The following PELI1 variants were observed in gnomAD, a reference collection of about 807,000 sequenced individuals.
PELI1 encodes pellino E3 ubiquitin protein ligase 1.
Under a neutral mutation model 41.3 loss-of-function variants are expected in PELI1, and 15 were observed. The observed-to-expected ratio is 0.36, with a 90% CI of 0.24 to 0.56. The LOEUF (loss-of-function observed/expected upper bound fraction) is 0.56, where lower values mean the gene tolerates loss of function less well. Among genes scored for constraint, PELI1 ranks in the 20% least tolerant of loss-of-function variants. The pLI, the probability that PELI1 is intolerant of heterozygous loss-of-function variation, is 0.82. For missense variants in PELI1, 403 were observed against 525.5 expected, an observed-to-expected ratio of 0.77 and a Z score of 2.28; for synonymous variants, 178 against 180.1, an observed-to-expected ratio of 0.99 and a Z score of 0.09.
rs537000200 is a variant in PELI1 at position 64,104,681 on chromosome 2, C to CTT, written c.201+18_201+19dup. 6.7e-3 allele frequency: 9,702 copies of CTT among 1,457,180 alleles called. 30 individuals are homozygous for CTT. The highest frequency in any genetic ancestry group is 0.039 in the African/African-American group (2,537 of 65,558). 90.3% of individuals were successfully genotyped at this position (1,457,180 alleles called of 1,614,324 possible). On this transcript the variant is annotated intron_variant, in intron 3 of 6. Coordinates refer to ENST00000358912, the MANE Select transcript of PELI1 (RefSeq NM_020651.4). The stretch of plus-strand genomic sequence containing the variant: ...AAATTCTCCAAGTTAATTTATGTAG[C>CTT]TTTTTTTTTTTTTTTTTACCTTTGC...
chr2:64,125,840 T>G (rs1175935960), intron 1 of PELI1, among the ~76,000 whole-genome samples: 1 of 152,228 alleles, frequency 6.6e-6, no homozygotes, highest in African/African-American at 2.4e-5. Context: ...AGTGGAAAAT[T>G]CCACATGTAA....
intron 3 of PELI1, chr2:64,104,489 A>G: frequency 6.6e-6 from 4 of 610,052 alleles, no homozygotes; most frequent in Non-Finnish European, 9.6e-6. Flanking sequence ...CCACCCACTG[A>G]TCCTGGTTTG....
chr2:64,102,047 G>A (rs373683805), intron 3 of PELI1, among the ~76,000 whole-genome samples: 4 of 151,842 alleles, frequency 2.6e-5, no homozygotes, highest in African/African-American at 9.7e-5. Context: ...GGCTGGTCTC[G>A]AACTCCTGAC....
chr2:64,112,594 G>A (rs1416220157), intron 1 of PELI1, among the ~76,000 whole-genome samples: 1 of 152,094 alleles, frequency 6.6e-6, no homozygotes, highest in African/African-American at 2.4e-5. Context: ...GCCTTATCTG[G>A]GGATATTTTA....
intron 1 of PELI1, among the ~76,000 whole-genome samples, chr2:64,143,868 C>T (rs1682008989): frequency 6.6e-6 from 1 of 151,724 alleles, no homozygotes; most frequent in African/African-American, 2.4e-5. Context: ...CCGCGTAGGG[C>T]CGGTTCCTGA....
At position 64,093,962 on chromosome 2, in the gene PELI1, T is replaced by C. The variant is rs1244162687; in HGVS notation, c.*740A>G. On this transcript the variant is annotated 3_prime_UTR_variant, in exon 7 of 7. Transcript: ENST00000358912. ...CCAAAGGAGCATATAAAATGTTTCT[T>C]AGCATTAAGTTTTTGTTATAGTACT... 3.3e-5 allele frequency: 5 copies of C among 152,640 alleles called. No individual in the cohort carries two copies. The highest frequency in any genetic ancestry group is 1.2e-4 in the African/African-American group (5 of 41,440). 9.5% of individuals were successfully genotyped at this position (152,640 alleles called of 1,614,324 possible).
intron 6 of PELI1, among the ~76,000 whole-genome samples, 158 bp from the exon 7 acceptor site, chr2:64,095,426 T>C (rs866724338): frequency 6.6e-6 from 1 of 152,192 alleles, no homozygotes; most frequent in Non-Finnish European, 1.5e-5. Context: ...AATGTTAAGT[T>C]TGAAAATCAA....
At chr2:64,119,534 C>T (rs371037241) in intron 1 of PELI1, among the ~76,000 whole-genome samples, 2 of 152,172 alleles carry the variant, frequency 1.3e-5, no homozygotes, top group Non-Finnish European at 1.5e-5. Flanking sequence ...CACCTCGTAA[C>T]GTGTGTAGGT....
intron 1 of PELI1, among the ~76,000 whole-genome samples, chr2:64,123,846 T>C (rs181255593): frequency 6.6e-6 from 1 of 152,302 alleles, no homozygotes; most frequent in East Asian, 1.9e-4. Context: ...TGCATTAATG[T>C]TCACAGCAGC....
At chr2:64,102,382 G>A (rs1680472542) in intron 3 of PELI1, among the ~76,000 whole-genome samples, 1 of 151,748 alleles carries the variant, frequency 6.6e-6, no homozygotes, top group South Asian at 2.1e-4. Flanking sequence ...ATGTTTAAGA[G>A]ACCAGGTTTC....
intron 3 of PELI1, among the ~76,000 whole-genome samples, chr2:64,101,120 T>C (rs1680414849): frequency 1.3e-5 from 2 of 152,054 alleles, no homozygotes; most frequent in South Asian, 2.1e-4. Flanking sequence ...CAGAAAACAA[T>C]AGTACTGCTC....
Position 64,118,819 on chromosome 2 carries a change from A to C in PELI1, c.-69-10440T>G, listed in dbSNP as rs564267281. On this transcript the variant is annotated intron_variant, in intron 1 of 6. Transcript: ENST00000358912. ...CTCTTTCTTGAGAAGATCTTGGGAAAAGATTTATGGCTGAAAAACTATGCT... is the reference window on the plus strand; with the variant it reads ...CTCTTTCTTGAGAAGATCTTGGGAACAGATTTATGGCTGAAAAACTATGCT... Among the ~76,000 whole-genome samples the C allele has an allele frequency of 2.6e-5, 4 of 152,326 alleles. No homozygotes were observed. In the South Asian group the frequency reaches 8.3e-4, roughly 32 times the overall value.
At chr2:64,138,448 C>T (rs1445207534) in intron 1 of PELI1, among the ~76,000 whole-genome samples, 1 of 152,190 alleles carries the variant, frequency 6.6e-6, no homozygotes, top group Non-Finnish European at 1.5e-5. Context: ...TGCATCTTGG[C>T]CAGGTGTGGT....
At chr2:64,100,803 T>G (rs1019488957) in intron 3 of PELI1, among the ~76,000 whole-genome samples, 14 of 152,298 alleles carry the variant, frequency 9.2e-5, no homozygotes, top group Admixed American at 3.9e-4. Context: ...CTCGGTTCAC[T>G]GCAACCGCCG....
chr2:64,097,122 C>T (rs1266494291), intron 4 of PELI1, among the ~76,000 whole-genome samples: 1 of 152,128 alleles, frequency 6.6e-6, no homozygotes, highest in Non-Finnish European at 1.5e-5. Context: ...GCTGCTGGTC[C>T]TTATGTCAAG....
intron 1 of PELI1, among the ~76,000 whole-genome samples, chr2:64,121,433 C>A (rs993179256): frequency 1.3e-5 from 2 of 152,092 alleles, no homozygotes; most frequent in African/African-American, 4.8e-5. Flanking sequence ...ACCAAGATAT[C>A]AATAGTCCTT....
chr2:64,115,753 T>TGG (rs1190886136), intron 1 of PELI1, among the ~76,000 whole-genome samples: 1 of 152,220 alleles, frequency 6.6e-6, no homozygotes, highest in African/African-American at 2.4e-5. Flanking sequence ...CAAGGTAGAA[T>TGG]GGGGCTAATT....
intron 1 of PELI1, among the ~76,000 whole-genome samples, chr2:64,134,757 G>A (rs888810254): frequency 7.2e-5 from 11 of 152,134 alleles, no homozygotes; most frequent in Non-Finnish European, 1.3e-4. Context: ...AATAAACCCA[G>A]AGGAACATGA....
At chr2:64,135,355 T>G (rs1681681686) in intron 1 of PELI1, among the ~76,000 whole-genome samples, 1 of 150,776 alleles carries the variant, frequency 6.6e-6, no homozygotes, top group African/African-American at 2.4e-5. Flanking sequence ...TCTTAGTGTC[T>G]GATGAGAGAT....
Sources: allele counts gnomAD v4.1 joint callset (sites outside exome capture counted in the v4.1 genomes callset), GRCh38; gene constraint gnomAD v4.1.1; transcripts MANE v1.5; gene names NCBI Gene and HGNC (gene_info 2026-07-23, HGNC 2026-07-21).